Variants in OCA2 observed in about 807,000 individuals in gnomAD.
OCA2 encodes P protein.
OCA2 carries 77 observed loss-of-function variants against 100.2 expected under a neutral mutation model. The observed-to-expected ratio is 0.77, with a 90% CI of 0.64 to 0.93. The LOEUF (loss-of-function observed/expected upper bound fraction) is 0.93, where lower values mean the gene tolerates loss of function less well. Among genes scored for constraint, OCA2 ranks in the 40% least tolerant of loss-of-function variants. The probability of loss-of-function intolerance (pLI) is 0.00; values close to 1 mark genes in which losing one functional copy is unlikely to be tolerated. For synonymous variants in OCA2, 432 were observed against 439.2 expected, an observed-to-expected ratio of 0.98 and a Z score of 0.21; for missense variants, 1,062 against 1,089.1, an observed-to-expected ratio of 0.98 and a Z score of 0.35.
intron 18 of OCA2, among the ~76,000 whole-genome samples, chr15:27,934,254 C>T (rs2039370489): frequency 7.3e-6 from 1 of 137,176 alleles, no homozygotes; most frequent in Non-Finnish European, 1.7e-5. Context: ...AATGTTGGGA[C>T]CCCAGTCTTA....
intron 23 of OCA2, among the ~76,000 whole-genome samples, chr15:27,792,404 T>G (rs2033128087): frequency 6.6e-6 from 1 of 152,136 alleles, no homozygotes; most frequent in Admixed American, 6.5e-5. Context: ...TTTCCCTACT[T>G]CATCCTTTAC....
chr15:27,855,566 A>G (rs2151429110), intron 21 of OCA2, among the ~76,000 whole-genome samples: 2 of 152,290 alleles, frequency 1.3e-5, no homozygotes, highest in South Asian at 4.1e-4. Flanking sequence ...ATTTTATCAC[A>G]CACTATGCCC....
rs537537296 is a variant in OCA2 at position 27,984,204 on chromosome 15, C to T, written c.1365-721G>A. Among the ~76,000 whole-genome samples, 7 of 152,156 alleles carry T rather than the reference C, an allele frequency of 4.6e-5. No individual in the cohort carries two copies. The East Asian group carries it at 9.7e-4, about 21-fold the overall frequency. ...ACAGATCTGTCTAAGCCACATTCTACAGCTGTGGAGCTCCACCATGGCCTC... is the reference window on the plus strand; with the variant it reads ...ACAGATCTGTCTAAGCCACATTCTATAGCTGTGGAGCTCCACCATGGCCTC... On this transcript the variant is annotated intron_variant, in intron 13 of 23. Coordinates refer to ENST00000354638, the MANE Select transcript of OCA2 (RefSeq NM_000275.3).
At chr15:27,822,043 G>A (rs925631739) in intron 23 of OCA2, among the ~76,000 whole-genome samples, 1 of 152,138 alleles carries the variant, frequency 6.6e-6, no homozygotes, top group African/African-American at 2.4e-5. Context: ...CAAGTGAGCA[G>A]CCCATAGGCA....
In OCA2 at chr15:27,871,866, T is replaced by C. The variant is rs1555422187; in HGVS notation, c.2136A>G (p.Ile712Met). 4.4e-6 allele frequency: 7 copies of C among 1,595,682 alleles called. No homozygotes were observed. The highest frequency in any genetic ancestry group is 1.1e-5 in the South Asian group (1 of 90,594). ...TCTATTATAGCATTTATTTTACCTT[T>C]ATTAGCAAAGCAGTTTGTTCTCCAA... ...EYVGEQTALL[I>M]KMVPEEQRLI... The change falls in exon 20 of 24, where the codon ATA (isoleucine) becomes ATG (methionine). Residue 712 changes from isoleucine (I) to methionine (M), a missense_variant. Physicochemically the swap from Ile to Met is conservative, Grantham distance 10. Coordinates refer to ENST00000354638, the MANE Select transcript of OCA2 (RefSeq NM_000275.3).
At chr15:27,759,254 GA>G (rs2030636537) in intron 23 of OCA2, among the ~76,000 whole-genome samples, 1 of 152,032 alleles carries the variant, frequency 6.6e-6, no homozygotes, top group South Asian at 2.1e-4. Context: ...CTCAGATGAA[GA>G]AAAACTAGAA....
chr15:27,863,673 C>T (rs1029317292), intron 21 of OCA2, among the ~76,000 whole-genome samples: 34 of 152,284 alleles, frequency 2.2e-4, no homozygotes, highest in Middle Eastern at 3.4e-3. Context: ...CCCTGGGTCT[C>T]GCCTCCAAAT....
chr15:27,793,922 AG>A (rs1220597321), intron 23 of OCA2, among the ~76,000 whole-genome samples: 1 of 152,184 alleles, frequency 6.6e-6, no homozygotes, highest in Non-Finnish European at 1.5e-5. Context: ...ACATGGCCAC[AG>A]CTCCACTGCT....
chr15:28,053,063 A>T (rs1229651226), intron 2 of OCA2, among the ~76,000 whole-genome samples: 1 of 152,194 alleles, frequency 6.6e-6, no homozygotes, highest in Non-Finnish European at 1.5e-5. Flanking sequence ...GAAAATATTA[A>T]ATGGGATTCC....
At chr15:28,051,551 C>G (rs757723352) in intron 2 of OCA2, among the ~76,000 whole-genome samples, 1 of 150,574 alleles carries the variant, frequency 6.6e-6, no homozygotes, top group Non-Finnish European at 1.5e-5. Context: ...CTCAGCCTCC[C>G]AAAGTGCTGG....
intron 23 of OCA2, among the ~76,000 whole-genome samples, chr15:27,763,595 G>C (rs35729795): frequency 0.053 from 8,137 of 152,328 alleles, 307 homozygotes; most frequent in South Asian, 0.13. Context: ...TGCTGTGAGT[G>C]GTTGCGATGC....
In OCA2 at chr15:27,757,195, A is replaced by G. The variant is rs371762002; in HGVS notation, c.2433-1723T>C. On this transcript the variant is annotated intron_variant, in intron 23 of 23. Coordinates refer to ENST00000354638, the MANE Select transcript of OCA2 (RefSeq NM_000275.3). ...TCTGGTGTGACAATCCAAATGCATC[A>G]GTCTAACTCTAGTTAGATTGTGTGA... 2.8e-4 allele frequency among the ~76,000 whole-genome samples: 42 copies of G among 152,358 alleles called. 1 individual carries two copies. In the East Asian group the frequency reaches 5.0e-3, roughly 18 times the overall value.
intron 4 of OCA2, among the ~76,000 whole-genome samples, chr15:28,025,900 C>A (rs2042734078): frequency 6.6e-6 from 1 of 152,220 alleles, no homozygotes. Context: ...TCTTTCTGAT[C>A]CTTTGAAAAT....
intron 19 of OCA2, among the ~76,000 whole-genome samples, chr15:27,893,834 T>C (rs544261904): frequency 2.0e-5 from 3 of 152,320 alleles, no homozygotes; most frequent in East Asian, 1.9e-4. Flanking sequence ...TTTTGCCCTT[T>C]GCTTTATGAT....
At position 27,796,204 on chromosome 15, in the gene OCA2, C is replaced by T. The variant is rs928640780; in HGVS notation, c.2433-40732G>A. 2.0e-5 allele frequency among the ~76,000 whole-genome samples: 3 copies of T among 152,256 alleles called. No homozygotes were observed. In the South Asian group the frequency reaches 6.2e-4, roughly 31 times the overall value. On this transcript the variant is annotated intron_variant, in intron 23 of 23. Transcript: ENST00000354638. ...TTATTTGTTGGAACAACACCAAGTC[C>T]TGGACATCCATGCTAATTTATTTTC... is the stretch of plus-strand genomic sequence containing the variant.
intron 2 of OCA2, among the ~76,000 whole-genome samples, chr15:28,046,103 G>T (rs900352336): frequency 6.6e-6 from 1 of 152,140 alleles, no homozygotes; most frequent in Non-Finnish European, 1.5e-5. Context: ...CATGATGGAT[G>T]ACACTCCAGA....
At position 27,939,152 on chromosome 15, in the gene OCA2, A is replaced by G. The variant is rs1161150218; in HGVS notation, c.1951+12632T>C. 3.3e-5 allele frequency among the ~76,000 whole-genome samples: 5 copies of G among 152,266 alleles called. No individual in the cohort carries two copies. In the South Asian group the frequency reaches 8.3e-4, roughly 25 times the overall value. On this transcript the variant is annotated intron_variant, in intron 18 of 23. Coordinates refer to ENST00000354638, the MANE Select transcript of OCA2 (RefSeq NM_000275.3). ...TTGACTGTTAAAACTCATGTGAACT[A>G]GAACATCTATGACAAACTCATAAAA... is the stretch of plus-strand genomic sequence containing the variant.
chr15:28,081,881 C>T lies in OCA2; in HGVS notation c.-7G>A. 1.2e-6 allele frequency: 2 copies of T among 1,608,594 alleles called. No individual in the cohort carries two copies. Among genetic ancestry groups the T allele is most frequent in the South Asian group, 1.1e-5 (1 of 90,646 alleles). ...CTCTGCCCTCCAGATGCATGCTCCA[C>T]TGCCAGTCTTCTCTCTAGGGCAGCC... On this transcript the variant is annotated 5_prime_UTR_variant, in exon 2 of 24. The change creates a new upstream start codon in the 5' untranslated region. Coordinates refer to ENST00000354638, the MANE Select transcript of OCA2 (RefSeq NM_000275.3).
rs1011429412 is a variant in OCA2, at chr15:27,853,727, CAG to C, written c.2245-2254_2245-2253del. ...GCTATGTTGTCCCCACCAGACACCT[CAG>C]AGAGCCCACAGGGTGTGAAGGAGAG... On this transcript the variant is annotated intron_variant, in intron 21 of 23. Transcript: ENST00000354638. Among the ~76,000 whole-genome samples, 5 of 152,164 alleles carry C rather than the reference CAG, an allele frequency of 3.3e-5. No individual in the cohort carries two copies. The South Asian group carries it at 8.3e-4, about 25-fold the overall frequency.
Sources: allele counts gnomAD v4.1 joint callset (sites outside exome capture counted in the v4.1 genomes callset), GRCh38; gene constraint gnomAD v4.1.1; transcripts MANE v1.5; gene names NCBI Gene and HGNC (gene_info 2026-07-23, HGNC 2026-07-21).